ANK2: variants seen among roughly 807,000 people sequenced by gnomAD.
ANK2 encodes the protein ankyrin-2.
Under a neutral mutation model 360.5 loss-of-function variants are expected in ANK2, and 83 were observed. The ratio of observed to expected loss-of-function variants is 0.23; its 90% confidence interval spans 0.19 to 0.28. The LOEUF (loss-of-function observed/expected upper bound fraction) is 0.28. Among genes scored for constraint, ANK2 ranks in the 10% least tolerant of loss-of-function variants. The probability of loss-of-function intolerance (pLI) is 1.00; values close to 1 mark genes in which losing one functional copy is unlikely to be tolerated. For missense variants in ANK2, 4,201 were observed against 4,795.7 expected (o/e 0.88, Z 3.66); for synonymous variants, 1,740 against 1,759.5 (o/e 0.99, Z 0.28).
intron 1 of ANK2, among the ~76,000 whole-genome samples, chr4:113,072,517 A>G (rs1331324421): frequency 6.6e-6 from 1 of 152,216 alleles, no homozygotes; most frequent in Admixed American, 6.5e-5. Flanking sequence ...AAATAAAGTG[A>G]GCATGAGATA....
intron 26 of ANK2, among the ~76,000 whole-genome samples, chr4:113,319,627 T>C (rs998120466): frequency 2.0e-5 from 3 of 152,036 alleles, no homozygotes; most frequent in African/African-American, 2.4e-5. Context: ...ACTAATCTTA[T>C]ACTAAGTAAA....
chr4:113,335,297 GAC>G (rs1189482623), intron 29 of ANK2, among the ~76,000 whole-genome samples: 1 of 152,084 alleles, frequency 6.6e-6, no homozygotes, highest in African/African-American at 2.4e-5. Context: ...GAGTACCTCA[GAC>G]ACAACCCTTC....
rs112060473 is a variant in ANK2 at position 112,934,947 on chromosome 4, G to C, written c.21+30433G>C. Among the ~76,000 whole-genome samples, 3 of 152,170 alleles carry C rather than the reference G, an allele frequency of 2.0e-5. No individual in the cohort carries two copies. In the South Asian group the frequency reaches 6.2e-4, roughly 31 times the overall value. ...TGGCATTTGAGTAGAGATCTGAAGGGAGTAAGAGAACAAACTTTAGATATT... is the reference window on the plus strand; with the variant it reads ...TGGCATTTGAGTAGAGATCTGAAGGCAGTAAGAGAACAAACTTTAGATATT... On this transcript the variant is annotated intron_variant, in intron 2 of 30. Coordinates refer to the ANK2 transcript ENST00000503271.
In ANK2 at chr4:113,159,081, G is replaced by C. The variant is rs145985459; in HGVS notation, c.85-15335G>C. On this transcript the variant is annotated intron_variant, in intron 1 of 45. Coordinates refer to ENST00000357077, the MANE Select transcript of ANK2 (RefSeq NM_001148.6). ...TGATATATTTTAGGCACTGAATTAG[G>C]TTTTGGGTATTCTAAGAATTATAAG... 2.0e-5 allele frequency among the ~76,000 whole-genome samples: 3 copies of C among 151,968 alleles called. No homozygotes were observed. In the East Asian group the frequency reaches 5.8e-4, roughly 29 times the overall value.
At chr4:112,908,958 A>G (rs1313503565) in intron 2 of ANK2, among the ~76,000 whole-genome samples, 1 of 152,214 alleles carries the variant, frequency 6.6e-6, no homozygotes, top group Non-Finnish European at 1.5e-5. Context: ...AGAATAATTA[A>G]AAGGGTTAAA....
At chr4:112,708,165 T>G in the ANK2 span, among the ~76,000 whole-genome samples, 1 of 152,224 alleles carries the variant, frequency 6.6e-6, no homozygotes, top group Non-Finnish European at 1.5e-5. Context: ...AAAACCGTGT[T>G]GTTCTACTAA....
At chr4:112,768,909 T>C in the ANK2 span, among the ~76,000 whole-genome samples, 2 of 152,206 alleles carry the variant, frequency 1.3e-5, no homozygotes, top group African/African-American at 2.4e-5. Flanking sequence ...AGAGAACCAT[T>C]TGGGTTCTTA....
intron 1 of ANK2, among the ~76,000 whole-genome samples, chr4:113,137,432 G>A (rs899252838): frequency 6.6e-6 from 1 of 152,318 alleles, no homozygotes; most frequent in East Asian, 1.9e-4. Flanking sequence ...GCTGGTCACT[G>A]AGCCAGAGAA....
At chr4:113,293,240 T>G in intron 21 of ANK2, 200 bp from the exon 22 acceptor site, 1 of 690,624 alleles carries the variant, frequency 1.4e-6, no homozygotes, top group Non-Finnish European at 2.6e-6. Flanking sequence ...GCTTGTTGTG[T>G]TACCATGGTG....
chr4:113,112,998 C>T (rs2094450195), intron 1 of ANK2, among the ~76,000 whole-genome samples: 1 of 152,112 alleles, frequency 6.6e-6, no homozygotes, highest in African/African-American at 2.4e-5. Context: ...TTGGGTTTGG[C>T]TTCAGGTAAA....
intron 2 of ANK2, among the ~76,000 whole-genome samples, chr4:113,017,761 A>G (rs2057023862): frequency 6.6e-6 from 1 of 152,210 alleles, no homozygotes; most frequent in Non-Finnish European, 1.5e-5. Context: ...TACAATTCTT[A>G]TGGAAGTTTC....
chr4:112,801,813 A>C, the ANK2 span, among the ~76,000 whole-genome samples: 1 of 152,104 alleles, frequency 6.6e-6, no homozygotes, highest in Non-Finnish European at 1.5e-5. Flanking sequence ...CCTCTTCAGG[A>C]CTCTATTTTG....
the ANK2 span, among the ~76,000 whole-genome samples, chr4:112,731,012 C>T: frequency 5.3e-5 from 8 of 151,840 alleles, no homozygotes; most frequent in Middle Eastern, 3.4e-3. Context: ...CATGGTGGCC[C>T]GTGCCTGTGG....
intron 1 of ANK2, among the ~76,000 whole-genome samples, chr4:113,089,863 A>T (rs1410622731): frequency 2.0e-5 from 3 of 152,204 alleles, no homozygotes; most frequent in Non-Finnish European, 4.4e-5. Flanking sequence ...CTGATAAAAA[A>T]ATATATGAAA....
intron 1 of ANK2, among the ~76,000 whole-genome samples, chr4:112,873,295 A>G (rs780321290): frequency 1.6e-4 from 24 of 151,618 alleles, no homozygotes; most frequent in Non-Finnish European, 3.4e-4. Context: ...TATAAGTTGA[A>G]ATGTTAGGTT....
At chr4:112,913,756 G>A (rs1161322679) in intron 2 of ANK2, among the ~76,000 whole-genome samples, 2 of 151,960 alleles carry the variant, frequency 1.3e-5, no homozygotes, top group East Asian at 3.9e-4. Context: ...AGCCCTATTT[G>A]GAAATCATAG....
intron 36 of ANK2, among the ~76,000 whole-genome samples, chr4:113,348,774 C>A (rs1430467027): frequency 2.0e-5 from 3 of 152,078 alleles, no homozygotes; most frequent in Non-Finnish European, 4.4e-5. Context: ...TATTGCCACT[C>A]TGGCAATTAA....
At chr4:112,985,882 T>C (rs936054710) in intron 2 of ANK2, among the ~76,000 whole-genome samples, 11 of 151,902 alleles carry the variant, frequency 7.2e-5, no homozygotes, top group African/African-American at 2.7e-4. Context: ...TTGGGTGCAG[T>C]GTACACTGCT....
At chr4:112,833,508 A>ATTT (rs34479387) in intron 1 of ANK2, among the ~76,000 whole-genome samples, 16,194 of 146,860 alleles carry the variant, frequency 0.11, 1,333 homozygotes, top group African/African-American at 0.22. Context: ...TGATTTATGT[A>ATTT]TTTTTTTTTT....
Sources: gnomAD v4.1 joint callset for allele counts (sites outside exome capture counted in the v4.1 genomes callset) on GRCh38, gnomAD v4.1.1 for gene constraint, MANE v1.5 for transcripts, NCBI Gene and HGNC (gene_info 2026-07-23, HGNC 2026-07-21) for gene names.